ARHGEF12: variants seen among roughly 807,000 people sequenced by gnomAD.
ARHGEF12 encodes KMT2A/ARHGEF12 fusion protein.
Under a neutral mutation model 211.2 loss-of-function variants are expected in ARHGEF12, and 66 were observed. That is an observed-to-expected ratio of 0.31 (90% CI 0.26 to 0.38). The LOEUF (loss-of-function observed/expected upper bound fraction) is 0.38. Among genes scored for constraint, ARHGEF12 ranks in the 10% least tolerant of loss-of-function variants. The pLI is 1.00. For missense variants in ARHGEF12, 1,429 were observed against 1,869.5 expected (o/e 0.76, Z 4.34); for synonymous variants, 592 against 638.4 (o/e 0.93, Z 1.09).
intron 22 of ARHGEF12, 58 bp downstream of exon 22, chr11:120,451,782 T>A: frequency 6.8e-7 from 1 of 1,480,266 alleles, no homozygotes; most frequent in African/African-American, 1.4e-5. Context: ...ACAAACACAC[T>A]AACTGAAAAA....
In ARHGEF12 at chr11:120,480,123, A is replaced by G; in HGVS notation, c.3930A>G (p.Glu1310=). The G allele has an allele frequency of 6.2e-7, 1 of 1,614,240 alleles. No individual in the cohort carries two copies. The highest frequency in any genetic ancestry group is 1.1e-5 in the South Asian group (1 of 91,078). ...SENIKAYHSG[E]GHMPFRTGTG... is the part of the protein sequence containing the mutation. ...ATATTAAGGCCTATCATTCTGGTGA[A>G]GGACATATGCCCTTTAGAACTGGAA... Residue 1310 remains glutamate (E), a synonymous_variant, in exon 38 of 41, where the codon GAA becomes GAG. Transcript: ENST00000397843.
intron 33 of ARHGEF12, 28 bp downstream of exon 33, chr11:120,475,535 TTTCCAGATTCA>T: frequency 1.2e-6 from 2 of 1,606,128 alleles, no homozygotes; most frequent in Non-Finnish European, 1.7e-6. Flanking sequence ...AGGATACTAA[TTTCCAGATTCA>T]TTGTGAAGTT....
At chr11:120,420,288 A>C (rs772964821) in intron 4 of ARHGEF12, among the ~76,000 whole-genome samples, 9 of 152,016 alleles carry the variant, frequency 5.9e-5, no homozygotes, top group Non-Finnish European at 1.2e-4. Context: ...TTTTCTTGAG[A>C]GTGAGACTGG....
intron 26 of ARHGEF12, among the ~76,000 whole-genome samples, chr11:120,460,152 T>C (rs571880340): frequency 4.5e-4 from 69 of 152,256 alleles, no homozygotes; most frequent in Non-Finnish European, 9.1e-4. Context: ...TAGGTCACTA[T>C]TTCTCTATGA....
chr11:120,402,744 A>G (rs1174228262), intron 1 of ARHGEF12, among the ~76,000 whole-genome samples: 1 of 152,184 alleles, frequency 6.6e-6, no homozygotes, highest in African/African-American at 2.4e-5. Context: ...GCTTCAGAAC[A>G]CTTCTCACTG....
At chr11:120,337,813 T>C in intron 1 of ARHGEF12, 1 of 985,444 alleles carries the variant, frequency 1.0e-6, no homozygotes, top group Non-Finnish European at 1.2e-6. Flanking sequence ...ATGTTGACAT[T>C]ACCAGTAAAT....
intron 1 of ARHGEF12, among the ~76,000 whole-genome samples, chr11:120,387,373 A>G (rs1301467588): frequency 1.3e-5 from 2 of 152,048 alleles, no homozygotes; most frequent in African/African-American, 4.8e-5. Context: ...ACGAGGACCT[A>G]GACTAGAGCC....
intron 1 of ARHGEF12, among the ~76,000 whole-genome samples, chr11:120,354,949 C>T (rs1040101924): frequency 1.3e-5 from 2 of 152,142 alleles, no homozygotes; most frequent in Non-Finnish European, 2.9e-5. Flanking sequence ...GCAGCCTCCC[C>T]GTGGGGTAAA....
Position 120,467,811 on chromosome 11 carries a change from G to A in ARHGEF12, c.2854+503G>A, listed in dbSNP as rs1395682145. On this transcript the variant is annotated intron_variant, in intron 29 of 40. Transcript: ENST00000397843. The stretch of plus-strand genomic sequence containing the variant: ...TGTACTCCATTAGTAGCTTTAGTAC[G>A]GGGTATATCAAACTATGAATCATAG... Among the ~76,000 whole-genome samples the A allele has an allele frequency of 5.9e-5, 9 of 152,130 alleles. No individual in the cohort carries two copies. The South Asian group carries it at 1.5e-3, about 25-fold the overall frequency.
chr11:120,457,771 A>T lies in ARHGEF12; in HGVS notation c.2225+15A>T. ...CCCTTTCGAAAGTAAGTAAATCTTA[A>T]GCAGCTTTCAATAAAGGCGCATTTT... On this transcript the variant is annotated intron_variant, in intron 24 of 40. Coordinates refer to ENST00000397843, the MANE Select transcript of ARHGEF12 (RefSeq NM_015313.3). 1.9e-6 allele frequency: 3 copies of T among 1,607,266 alleles called. No individual in the cohort carries two copies. Among genetic ancestry groups the T allele is most frequent in the Non-Finnish European group, 2.5e-6 (3 of 1,177,010 alleles).
At chr11:120,414,902 C>T (rs538215845) in intron 4 of ARHGEF12, among the ~76,000 whole-genome samples, 5 of 152,200 alleles carry the variant, frequency 3.3e-5, no homozygotes, top group African/African-American at 1.2e-4. Flanking sequence ...GTCAGGATTA[C>T]GTTTGAAGGA....
intron 29 of ARHGEF12, among the ~76,000 whole-genome samples, 194 bp downstream of exon 29, chr11:120,467,502 G>GC (rs1394240660): frequency 6.7e-6 from 1 of 149,060 alleles, no homozygotes; most frequent in African/African-American, 2.5e-5. Context: ...GAGTGCAGTG[G>GC]CACAATCATA....
chr11:120,467,253 A>G lies in ARHGEF12; in HGVS notation c.2799A>G (p.Gln933=). The change falls in exon 29 of 41, where the codon CAA becomes CAG. Residue 933 remains glutamine, a synonymous_variant. Transcript: ENST00000397843. ...AACTGAAGGATATTATTCCCACTCA[A>G]ATGCAAAGGCTTACTAAGTACCCAC... The part of the protein sequence containing the change: ...RLQLKDIIPT[Q]MQRLTKYPLL... 1.2e-6 allele frequency: 2 copies of G among 1,613,768 alleles called. No individual in the cohort carries two copies. Among genetic ancestry groups the G allele is most frequent in the South Asian group, 2.2e-5 (2 of 91,020 alleles).
At chr11:120,448,952 C>T (rs998938931) in intron 20 of ARHGEF12, 157 bp from the exon 21 acceptor site, 6 of 602,506 alleles carry the variant, frequency 1.0e-5, no homozygotes, top group South Asian at 2.2e-5. Context: ...GTACTGTGTG[C>T]GAACTTTTAA....
At chr11:120,432,695 G>A (rs1432624276) in intron 11 of ARHGEF12, among the ~76,000 whole-genome samples, 1 of 152,106 alleles carries the variant, frequency 6.6e-6, no homozygotes, top group Admixed American at 6.5e-5. Context: ...TATAGAAGAG[G>A]TGTCACTTCT....
chr11:120,478,117 T>C (rs1565514201), intron 36 of ARHGEF12, 39 bp from the exon 37 acceptor site: 1 of 1,408,172 alleles, frequency 7.1e-7, no homozygotes, highest in African/African-American at 1.4e-5. Flanking sequence ...TTAAAAGCTT[T>C]GTTTAGATAT....
chr11:120,462,590 G>A (rs1946565620), intron 27 of ARHGEF12: 1 of 152,128 alleles, frequency 6.6e-6, no homozygotes, highest in Non-Finnish European at 1.5e-5. Flanking sequence ...AAAATGTGAG[G>A]TATGCCTGTA....
chr11:120,422,615 T>A (rs1945225333), intron 6 of ARHGEF12, among the ~76,000 whole-genome samples: 1 of 152,202 alleles, frequency 6.6e-6, no homozygotes, highest in African/African-American at 2.4e-5. Context: ...TATACAAATA[T>A]TCCAAACTTC....
intron 7 of ARHGEF12, 90 bp from the exon 8 acceptor site, chr11:120,427,979 T>C (rs1945399494): frequency 2.7e-6 from 3 of 1,099,256 alleles, no homozygotes; most frequent in Middle Eastern, 3.2e-4. Context: ...CTTTTAGAAC[T>C]ATCGAAGATT....
Sources: gnomAD v4.1 joint callset for allele counts (sites outside exome capture counted in the v4.1 genomes callset) on GRCh38, gnomAD v4.1.1 for gene constraint, MANE v1.5 for transcripts, NCBI Gene and HGNC (gene_info 2026-07-23, HGNC 2026-07-21) for gene names.